Variants in HMX2 observed in about 807,000 individuals in gnomAD.
HMX2 encodes the protein H6 family homeobox 2.
In HMX2, 15 loss-of-function variants were observed where a neutral mutation model predicts 21.2. The observed-to-expected ratio is 0.71, with a 90% CI of 0.47 to 1.09. The LOEUF is 1.09. Ranked by LOEUF, HMX2 falls within the 50% of genes least tolerant of loss-of-function variation. The probability of loss-of-function intolerance (pLI) is 0.00; values close to 1 mark genes in which losing one functional copy is unlikely to be tolerated. For synonymous variants in HMX2, 193 were observed against 181.0 expected, an observed-to-expected ratio of 1.07 and a Z score of -0.53; for missense variants, 440 against 381.5, an observed-to-expected ratio of 1.15 and a Z score of -1.28.
chr10:123,149,708 C>A lies in HMX2; in HGVS notation c.407C>A (p.Pro136Gln), dbSNP rs766496437. The A allele has an allele frequency of 1.3e-6, 2 of 1,559,682 alleles. No individual in the cohort carries two copies. Among genetic ancestry groups the A allele is most frequent in the Non-Finnish European group, 1.7e-6 (2 of 1,158,578 alleles). ...AGSPSPGSER[P>Q]RDGGAERQAG... ...TCGCCCTCGCCGGGGTCCGAGCGGCCGCGGGACGGCGGCGCTGAGCGGCAG... is the reference window on the plus strand; with the variant it reads ...TCGCCCTCGCCGGGGTCCGAGCGGCAGCGGGACGGCGGCGCTGAGCGGCAG... The change falls in exon 2 of 2, where the codon CCG becomes CAG. Residue 136 changes from proline to glutamine, a missense_variant. Physicochemically the swap from Pro to Gln is moderately conservative, Grantham distance 76. Coordinates refer to ENST00000339992, the MANE Select transcript of HMX2 (RefSeq NM_005519.2). This position sits in a 1 kb window ranked among gnomAD's most constrained non-coding sequence, Gnocchi z 5.4.
chr10:123,148,296 C>T lies in HMX2; in HGVS notation c.-83C>T. On this transcript the variant is annotated 5_prime_UTR_variant, in exon 1 of 2. Transcript: ENST00000339992. Reference sequence around the variant, plus strand: ...CTCCCCGCCCCTCCCCACTGCCTGCCTGCTGCACCACCTTCCACCCAGATC... The same window carrying T: ...CTCCCCGCCCCTCCCCACTGCCTGCTTGCTGCACCACCTTCCACCCAGATC... 1 of 1,481,950 alleles carries T rather than the reference C, an allele frequency of 6.7e-7. No homozygotes were observed. The highest frequency in any genetic ancestry group is 9.3e-7 in the Non-Finnish European group (1 of 1,081,068). 91.8% of individuals were successfully genotyped at this position (1,481,950 alleles called of 1,614,324 possible). A position where few individuals can be genotyped will look rare whatever the true frequency, so the allele number is the denominator to read the frequency against.
Position 123,149,529 on chromosome 10 carries a change from C to A in HMX2, c.269-41C>A. ...AGAGCTGGCGGTCTCCGAGGCTCCC[C>A]AACCAACTCCATGGCCTTTCTGTCT... is the stretch of plus-strand genomic sequence containing the variant. On this transcript the variant is annotated intron_variant, in intron 1 of 1. Transcript: ENST00000339992. This position sits in a 1 kb window ranked among gnomAD's most constrained non-coding sequence, Gnocchi z 5.4. 1 of 1,403,554 alleles carries A rather than the reference C, an allele frequency of 7.1e-7. No individual in the cohort carries two copies. The highest frequency in any genetic ancestry group is 1.9e-5 in the South Asian group (1 of 53,556). 86.9% of individuals were successfully genotyped at this position (1,403,554 alleles called of 1,614,324 possible). A position where few individuals can be genotyped will look rare whatever the true frequency, so the allele number is the denominator to read the frequency against.
In HMX2 at chr10:123,148,593, GC is replaced by G; in HGVS notation, c.218del (p.Pro73LeufsTer98). The G allele has an allele frequency of 6.2e-7, 1 of 1,613,150 alleles. No homozygotes were observed. On this transcript the variant is annotated frameshift_variant, in exon 1 of 2. Coordinates refer to ENST00000339992, the MANE Select transcript of HMX2 (RefSeq NM_005519.2). LOFTEE classifies it high-confidence loss of function. ...GCCTGCTTCTGCCCAGACCAGCACG[GC>G]CCTAAGGAGCAGGGCCCCAAGCACC... ...APACFCPDQH[G>X]PKEQGPKHHP...
In HMX2 at chr10:123,150,146, C is replaced by T; in HGVS notation, c.*23C>T. The T allele has an allele frequency of 6.7e-7, 1 of 1,501,920 alleles. No individual in the cohort carries two copies. Among genetic ancestry groups the T allele is most frequent in the Non-Finnish European group, 8.9e-7 (1 of 1,125,084 alleles). The allele number at this position is 1,501,920 out of a possible 1,614,324, so 93.0% of individuals were successfully genotyped here. On this transcript the variant is annotated 3_prime_UTR_variant, in exon 2 of 2. Coordinates refer to ENST00000339992, the MANE Select transcript of HMX2 (RefSeq NM_005519.2). This position sits in a 1 kb window ranked among gnomAD's most constrained non-coding sequence, Gnocchi z 4.2. ...TGACCGGCCCGCCGCCCCGCGCCGC[C>T]CCCAGCTGCCCGCAGAGCCGGGCGC...
chr10:123,148,283 C>A lies in HMX2; in HGVS notation c.-96C>A. The stretch of plus-strand genomic sequence containing the variant: ...CCCCCTAGATTTCCTCCCCGCCCCT[C>A]CCCACTGCCTGCCTGCTGCACCACC... On this transcript the variant is annotated 5_prime_UTR_variant, in exon 1 of 2. Coordinates refer to ENST00000339992, the MANE Select transcript of HMX2 (RefSeq NM_005519.2). 1 of 1,280,104 alleles carries A rather than the reference C, an allele frequency of 7.8e-7. No homozygotes were observed. Among genetic ancestry groups the A allele is most frequent in the Non-Finnish European group, 1.1e-6 (1 of 901,232 alleles). 79.3% of individuals were successfully genotyped at this position (1,280,104 alleles called of 1,614,324 possible).
rs767895890 is a variant in HMX2, at chr10:123,149,696, G to A, written c.395G>A (p.Gly132Glu). ...CTGCCCGCGGGCTCGCCCTCGCCGG[G>A]GTCCGAGCGGCCGCGGGACGGCGGC... Reference protein sequence around the residue: ...RLLPAGSPSPGSERPRDGGAE... With the variant: ...RLLPAGSPSPESERPRDGGAE... The change falls in exon 2 of 2, where the codon GGG (glycine) becomes GAG (glutamate). Residue 132 changes from glycine to glutamate, a missense_variant. By Grantham distance (98) the Gly-to-Glu change is moderately conservative. Coordinates refer to ENST00000339992, the MANE Select transcript of HMX2 (RefSeq NM_005519.2). The surrounding 1 kb of genome is among the most constrained non-coding windows in gnomAD (Gnocchi z 5.4). The A allele has an allele frequency of 6.4e-7, 1 of 1,567,766 alleles. No homozygotes were observed. Among genetic ancestry groups the A allele is most frequent in the African/African-American group, 1.4e-5 (1 of 70,648 alleles).
In HMX2 at chr10:123,149,529, CA is replaced by C; in HGVS notation, c.269-39del. ...AGAGCTGGCGGTCTCCGAGGCTCCC[CA>C]ACCAACTCCATGGCCTTTCTGTCTG... On this transcript the variant is annotated intron_variant, in intron 1 of 1. Coordinates refer to ENST00000339992, the MANE Select transcript of HMX2 (RefSeq NM_005519.2). The surrounding 1 kb of genome is among the most constrained non-coding windows in gnomAD (Gnocchi z 5.4). 1 of 1,403,554 alleles carries C rather than the reference CA, an allele frequency of 7.1e-7. No homozygotes were observed. The highest frequency in any genetic ancestry group is 2.7e-5 in the East Asian group (1 of 36,842). 86.9% of individuals were successfully genotyped at this position (1,403,554 alleles called of 1,614,324 possible).
In HMX2 at chr10:123,150,239, T is replaced by TG; in HGVS notation, c.*117dup. The TG allele has an allele frequency of 3.4e-5, 27 of 805,164 alleles. No individual in the cohort carries two copies. The highest frequency in any genetic ancestry group is 4.8e-5 in the Non-Finnish European group (25 of 525,708). 49.9% of individuals were successfully genotyped at this position (805,164 alleles called of 1,614,324 possible). On this transcript the variant is annotated 3_prime_UTR_variant, in exon 2 of 2. Coordinates refer to ENST00000339992, the MANE Select transcript of HMX2 (RefSeq NM_005519.2). This position sits in a 1 kb window ranked among gnomAD's most constrained non-coding sequence, Gnocchi z 4.2. ...TCCAGAAATATGAAGAAATACACCA[T>TG]GTGTATTCATTAGCTCTTATTTATG...
Position 123,149,802 on chromosome 10 carries a change from C to T in HMX2, c.501C>T (p.Thr167=). The change falls in exon 2 of 2, where the codon ACC becomes ACT. Residue 167 remains threonine (T), a synonymous_variant. Coordinates refer to ENST00000339992, the MANE Select transcript of HMX2 (RefSeq NM_005519.2). This position sits in a 1 kb window ranked among gnomAD's most constrained non-coding sequence, Gnocchi z 5.4. ...GCCAGGTGTACCAGCTCGAGTCCAC[C>T]TTCGACATGAAGCGCTACCTGAGCA... ...SRSQVYQLES[T]FDMKRYLSSS... 6.2e-7 allele frequency: 1 copy of T among 1,611,592 alleles called. No homozygotes were observed. The highest frequency in any genetic ancestry group is 8.5e-7 in the Non-Finnish European group (1 of 1,179,172).
At chr10:123,148,802 C>T (rs1844232807) in intron 1 of HMX2, among the ~76,000 whole-genome samples, 156 bp downstream of exon 1, 2 of 152,344 alleles carry the variant, frequency 1.3e-5, no homozygotes, top group South Asian at 2.1e-4. Flanking sequence ...TGTGGTGCCT[C>T]CTCCGCCCGG....
Sources: gnomAD v4.1 joint callset for allele counts (sites outside exome capture counted in the v4.1 genomes callset) on GRCh38, gnomAD v4.1.1 for gene constraint, Gnocchi (gnomAD v3.1) non-coding constraint, MANE v1.5 for transcripts, NCBI Gene and HGNC (gene_info 2026-07-23, HGNC 2026-07-21) for gene names.